Variants in PHF24 observed in about 807,000 individuals in gnomAD.
The protein encoded by PHF24 is Galpha inhibitory interacting protein.
In PHF24, 25 loss-of-function variants were observed where a neutral mutation model predicts 42.6. That is an observed-to-expected ratio of 0.59 (90% CI 0.43 to 0.82). The LOEUF (loss-of-function observed/expected upper bound fraction) is 0.82, where lower values mean the gene tolerates loss of function less well. PHF24 is among the 40% of genes least tolerant of loss of function. The pLI is 0.00. For synonymous variants in PHF24, 185 were observed against 204.8 expected, an observed-to-expected ratio of 0.90 and a Z score of 0.83; for missense variants, 470 against 538.1, an observed-to-expected ratio of 0.87 and a Z score of 1.25.
chr9:34,895,237 A>G, the PHF24 span, among the ~76,000 whole-genome samples: 7 of 152,092 alleles, frequency 4.6e-5, no homozygotes, highest in Non-Finnish European at 7.4e-5. Flanking sequence ...TTTCACCCCA[A>G]GAGTTTTCTT....
At chr9:34,926,919 G>A in the PHF24 span, among the ~76,000 whole-genome samples, 1 of 152,200 alleles carries the variant, frequency 6.6e-6, no homozygotes, top group Non-Finnish European at 1.5e-5. This position sits in a 1 kb window ranked among gnomAD's most constrained non-coding sequence, Gnocchi z 4.3. Context: ...CGTGCCTACC[G>A]GGGGCAGCCT....
chr9:34,791,034 T>C, the PHF24 span, among the ~76,000 whole-genome samples: 1 of 152,236 alleles, frequency 6.6e-6, no homozygotes, highest in South Asian at 2.1e-4. Flanking sequence ...TGACTTTGAA[T>C]TTCATTCTAA....
At chr9:34,702,725 C>T in the PHF24 span, among the ~76,000 whole-genome samples, 368 of 152,236 alleles carry the variant, frequency 2.4e-3, 1 homozygote, top group Middle Eastern at 6.8e-3. Flanking sequence ...CTGGAGGACC[C>T]CTTGAGGCCA....
At chr9:34,914,489 C>G in the PHF24 span, among the ~76,000 whole-genome samples, 1 of 152,050 alleles carries the variant, frequency 6.6e-6, no homozygotes, top group Non-Finnish European at 1.5e-5. Context: ...GTCCTTTGGT[C>G]TCTATATCTA....
the PHF24 span, chr9:34,709,484 C>T: frequency 1.9e-6 from 3 of 1,613,874 alleles, no homozygotes; most frequent in East Asian, 2.2e-5. Flanking sequence ...TTACCCACAT[C>T]CCTCAGATTC....
chr9:34,978,861 TCA>T (rs919069810), exon 8 of PHF24: 4 of 152,104 alleles, frequency 2.6e-5, no homozygotes, highest in African/African-American at 9.7e-5. Context: ...TAGGAACCTC[TCA>T]GTCAGGTCAC....
the PHF24 span, among the ~76,000 whole-genome samples, chr9:34,951,465 T>C: frequency 5.3e-5 from 8 of 152,176 alleles, no homozygotes; most frequent in African/African-American, 7.2e-5. Flanking sequence ...GATGTAACAA[T>C]AGAAGTCAGA....
chr9:34,840,922 T>G, the PHF24 span, among the ~76,000 whole-genome samples: 3 of 152,172 alleles, frequency 2.0e-5, no homozygotes, highest in Non-Finnish European at 4.4e-5. Context: ...AATTGCTGGG[T>G]CAAAGGGTGT....
At chr9:34,978,694 C>G (rs1827292452) in exon 8 of PHF24, 2 of 152,396 alleles carry the variant, frequency 1.3e-5, no homozygotes, top group African/African-American at 4.8e-5. Context: ...CATTATGTAC[C>G]TCGGCTGTAC....
the PHF24 span, among the ~76,000 whole-genome samples, chr9:34,699,197 A>C: frequency 6.6e-6 from 1 of 152,206 alleles, no homozygotes; most frequent in African/African-American, 2.4e-5. Context: ...TTGGACTCCT[A>C]CTTGTGTTGT....
the PHF24 span, among the ~76,000 whole-genome samples, chr9:34,933,506 C>T: frequency 2.0e-5 from 3 of 151,888 alleles, no homozygotes; most frequent in East Asian, 2.0e-4. Flanking sequence ...GAGTGGATCA[C>T]GAGGTGAGGA....
At chr9:34,962,239 A>C (rs1168746544) in intron 1 of PHF24, among the ~76,000 whole-genome samples, 2 of 152,218 alleles carry the variant, frequency 1.3e-5, no homozygotes, top group Non-Finnish European at 2.9e-5. Context: ...TTATGTGAAG[A>C]CACGTTTCCT....
intron 1 of PHF24, among the ~76,000 whole-genome samples, chr9:34,960,335 C>T (rs1226978509): frequency 6.6e-6 from 1 of 152,156 alleles, no homozygotes; most frequent in Non-Finnish European, 1.5e-5. Context: ...AGGAGAGAGA[C>T]CAAGCTAGTG....
chr9:34,943,630 C>G, the PHF24 span, among the ~76,000 whole-genome samples: 1 of 152,086 alleles, frequency 6.6e-6, no homozygotes, highest in Non-Finnish European at 1.5e-5. Flanking sequence ...TAAACAGCCC[C>G]AGGTCCTTTT....
chr9:34,969,033 G>A (rs1826877643), intron 1 of PHF24, among the ~76,000 whole-genome samples: 2 of 152,184 alleles, frequency 1.3e-5, no homozygotes, highest in South Asian at 4.1e-4. Flanking sequence ...AGGTGGGGAG[G>A]AATGTTCAAA....
chr9:34,670,604 G>A, the PHF24 span, among the ~76,000 whole-genome samples: 1 of 152,212 alleles, frequency 6.6e-6, no homozygotes, highest in African/African-American at 2.4e-5. Flanking sequence ...GCAATAAGCA[G>A]TTTGGACAAG....
the PHF24 span, among the ~76,000 whole-genome samples, chr9:34,766,586 C>T: frequency 6.6e-6 from 1 of 152,136 alleles, no homozygotes; most frequent in Non-Finnish European, 1.5e-5. Flanking sequence ...ATTGGTTATT[C>T]TAGTTATACA....
the PHF24 span, among the ~76,000 whole-genome samples, chr9:34,764,213 A>C: frequency 1.3e-5 from 2 of 152,268 alleles, no homozygotes; most frequent in Admixed American, 6.5e-5. Flanking sequence ...CTGGCCTCAT[A>C]AAATGAATTA....
At chr9:34,691,942 G>C in the PHF24 span, among the ~76,000 whole-genome samples, 200 of 152,296 alleles carry the variant, frequency 1.3e-3, 4 homozygotes, top group African/African-American at 4.6e-3. Flanking sequence ...GACTGGCTTG[G>C]AATAGCCCCC....
Sources: gnomAD v4.1 joint callset for allele counts (sites outside exome capture counted in the v4.1 genomes callset) on GRCh38, gnomAD v4.1.1 for gene constraint, Gnocchi (gnomAD v3.1) non-coding constraint, MANE v1.5 for transcripts, NCBI Gene and HGNC (gene_info 2026-07-23, HGNC 2026-07-21) for gene names.